The following PLEKHG1 variants were observed in gnomAD, a reference collection of about 807,000 sequenced individuals.
The protein encoded by PLEKHG1 is pleckstrin homology domain-containing family G member 1.
In PLEKHG1, 44 loss-of-function variants were observed where a neutral mutation model predicts 100.8. The ratio of observed to expected loss-of-function variants is 0.44; its 90% CI spans 0.34 to 0.56. The LOEUF (loss-of-function observed/expected upper bound fraction) is 0.56. PLEKHG1 is among the 20% of genes least tolerant of loss of function. PLEKHG1 has a pLI of 0.01. For synonymous variants in PLEKHG1, 640 were observed against 662.5 expected (o/e 0.97, Z 0.52); for missense variants, 1,545 against 1,720.9 (o/e 0.90, Z 1.81).
At chr6:150,644,332 G>GGGTTTTTTTTTTTTTTTTTTTTTTTT (rs1562404967) in intron 2 of PLEKHG1, among the ~76,000 whole-genome samples, 3 of 96,560 alleles carry the variant, frequency 3.1e-5, no homozygotes, top group East Asian at 2.8e-4. Flanking sequence ...TTTTCTTTTC[G>GGGTTTTTTTTTTTTTTTTTTTTTTTT]TGTTTTTTTT....
At chr6:150,663,346 T>C (rs1272392966) in intron 3 of PLEKHG1, 1 of 152,170 alleles carries the variant, frequency 6.6e-6, no homozygotes, top group Non-Finnish European at 1.5e-5. Context: ...GTTTAGCAAA[T>C]GGCTTAAATA....
chr6:150,764,788 C>T (rs911981575), intron 2 of PLEKHG1, among the ~76,000 whole-genome samples: 5 of 152,162 alleles, frequency 3.3e-5, no homozygotes, highest in Non-Finnish European at 5.9e-5. Flanking sequence ...CCCTGTGAAG[C>T]CTCTCCCCTC....
intron 3 of PLEKHG1, among the ~76,000 whole-genome samples, chr6:150,701,457 AT>A (rs2128599057): frequency 1.2e-5 from 1 of 80,258 alleles, no homozygotes; most frequent in Admixed American, 1.1e-4. Flanking sequence ...ATATATATAT[AT>A]ATATATATAA....
intron 2 of PLEKHG1, among the ~76,000 whole-genome samples, chr6:150,647,604 C>T (rs1778556613): frequency 6.6e-6 from 1 of 152,058 alleles, no homozygotes; most frequent in African/African-American, 2.4e-5. Flanking sequence ...CCTGTTTCAC[C>T]GTGATTCAGT....
chr6:150,788,555 A>G (rs1785770022), intron 4 of PLEKHG1, among the ~76,000 whole-genome samples: 2 of 152,206 alleles, frequency 1.3e-5, no homozygotes, highest in South Asian at 2.1e-4. Flanking sequence ...ATGAACCCAC[A>G]GTTCTCCTGA....
At chr6:150,716,325 C>T (rs530088845), upstream of PLEKHG1, among the ~76,000 whole-genome samples, 103 of 152,242 alleles carry the variant, frequency 6.8e-4, no homozygotes, top group Non-Finnish European at 1.2e-3. Context: ...TAAATTGTTA[C>T]GCTCCTTGTG....
chr6:150,653,140 T>A (rs1378057096), intron 3 of PLEKHG1, among the ~76,000 whole-genome samples: 1 of 152,194 alleles, frequency 6.6e-6, no homozygotes, highest in African/African-American at 2.4e-5. Flanking sequence ...ACTTATTCAT[T>A]AGTCACAGTG....
chr6:150,778,030 C>A (rs1785092243), intron 3 of PLEKHG1, among the ~76,000 whole-genome samples: 1 of 152,244 alleles, frequency 6.6e-6, no homozygotes, highest in African/African-American at 2.4e-5. Context: ...CTTCCTCTAT[C>A]CCACCACACT....
At chr6:150,842,512 T>C (rs951928987) in exon 16 of PLEKHG1, 1 of 152,212 alleles carries the variant, frequency 6.6e-6, no homozygotes, top group East Asian at 1.9e-4. Context: ...CATGTGATTT[T>C]ATTTTTAAAT....
At position 150,797,834 on chromosome 6, in the gene PLEKHG1, CAAAAAAAAAAAAAAAAAAAAAAA is replaced by C. The variant is rs58218481; in HGVS notation, c.629+1946_629+1968del. ...TTGGCAACAGAGCAAGACTCTGTCTCAAAAAAAAAAAAAAAAAAAAAAAAAAAAAAAAAAAAGACCCAAGAAGC... is the reference window on the plus strand; with the variant it reads ...TTGGCAACAGAGCAAGACTCTGTCTCAAAAAAAAAAAAAGACCCAAGAAGC... On this transcript the variant is annotated intron_variant, in intron 5 of 15. Coordinates refer to ENST00000358517, the Ensembl canonical transcript of PLEKHG1. Among the ~76,000 whole-genome samples, 55 of 23,912 alleles carry C rather than the reference CAAAAAAAAAAAAAAAAAAAAAAA, an allele frequency of 2.3e-3. 1 individual carries two copies. The South Asian group carries it at 0.069, about 30-fold the overall frequency. The allele number at this position is 23,912 out of a possible 152,430, so 15.7% of individuals were successfully genotyped here. A position where few individuals can be genotyped will look rare whatever the true frequency, so the allele number is the denominator to read the frequency against.
chr6:150,625,194 A>G (rs890070489), intron 1 of PLEKHG1, among the ~76,000 whole-genome samples: 10 of 152,208 alleles, frequency 6.6e-5, no homozygotes, highest in Non-Finnish European at 4.4e-5. Flanking sequence ...TTAGAAGAGT[A>G]TATTTATTTG....
chr6:150,617,042 G>A lies in PLEKHG1; in HGVS notation c.-204+17025G>A, dbSNP rs144322973. Among the ~76,000 whole-genome samples, 760 of 152,306 alleles carry A rather than the reference G, an allele frequency of 5.0e-3. 7 individuals carry two copies. The highest frequency in any genetic ancestry group is 0.018 in the African/African-American group (731 of 41,560). On this transcript the variant is annotated intron_variant, in intron 1 of 3. Transcript: ENST00000367326. ...TTACCAACATTAAGAATTTGAAGAAGTGCAATTAATGTAAGTTGTATATTT... is the reference window on the plus strand; with the variant it reads ...TTACCAACATTAAGAATTTGAAGAAATGCAATTAATGTAAGTTGTATATTT...
intron 3 of PLEKHG1, among the ~76,000 whole-genome samples, chr6:150,655,428 G>A (rs1582893323): frequency 6.6e-6 from 1 of 152,184 alleles, no homozygotes; most frequent in South Asian, 2.1e-4. Flanking sequence ...GTGACACATG[G>A]CCAGGTGCGG....
At chr6:150,734,665 T>C (rs1175606073) in intron 2 of PLEKHG1, among the ~76,000 whole-genome samples, 1 of 152,194 alleles carries the variant, frequency 6.6e-6, no homozygotes, top group Admixed American at 6.6e-5. Flanking sequence ...TGGTTGGTGT[T>C]TGGGGAAAGG....
At chr6:150,761,091 CT>C (rs1295418806) in intron 2 of PLEKHG1, among the ~76,000 whole-genome samples, 48 of 123,618 alleles carry the variant, frequency 3.9e-4, no homozygotes, top group Middle Eastern at 5.1e-3. Flanking sequence ...TGATTTCTTT[CT>C]TTTTTTCTTT....
chr6:150,692,139 T>G (rs1780369754), intron 3 of PLEKHG1, among the ~76,000 whole-genome samples: 1 of 152,258 alleles, frequency 6.6e-6, no homozygotes, highest in Non-Finnish European at 1.5e-5. Flanking sequence ...ACTTCAGGCA[T>G]GAGTAAAATA....
At chr6:150,830,881 G>A in exon 15 of PLEKHG1, 2 of 1,614,166 alleles carry the variant, frequency 1.2e-6, no homozygotes, top group Non-Finnish European at 1.7e-6. Context: ...GCTGGCATAT[G>A]GGACAGATGG....
intron 3 of PLEKHG1, among the ~76,000 whole-genome samples, chr6:150,770,022 G>T: frequency 6.6e-6 from 1 of 152,132 alleles, no homozygotes; most frequent in East Asian, 1.9e-4. Flanking sequence ...TGTATTGAAG[G>T]AAAGAATGGA....
At chr6:150,612,517 G>C (rs1776896784) in intron 1 of PLEKHG1, among the ~76,000 whole-genome samples, 2 of 152,094 alleles carry the variant, frequency 1.3e-5, no homozygotes, top group Non-Finnish European at 2.9e-5. Flanking sequence ...GTTTTTAGTA[G>C]AGACGGGGTT....
Sources: gnomAD v4.1 joint callset for allele counts (sites outside exome capture counted in the v4.1 genomes callset) on GRCh38, gnomAD v4.1.1 for gene constraint, MANE v1.5 for transcripts, NCBI Gene and HGNC (gene_info 2026-07-23, HGNC 2026-07-21) for gene names.